The following RAI14 variants were observed in gnomAD, a reference collection of about 807,000 sequenced individuals.
RAI14 encodes the protein retinoic acid induced 14.
RAI14 carries 45 observed loss-of-function variants against 115.4 expected under a neutral mutation model. The ratio of observed to expected loss-of-function variants is 0.39; its 90% CI spans 0.31 to 0.50. The LOEUF (loss-of-function observed/expected upper bound fraction) is 0.50, where lower values mean the gene tolerates loss of function less well. Among genes scored for constraint, RAI14 ranks in the 20% least tolerant of loss-of-function variants. RAI14 has a pLI of 0.85. For synonymous variants in RAI14, 371 were observed against 415.4 expected (o/e 0.89, Z 1.30); for missense variants, 939 against 1,131.2 (o/e 0.83, Z 2.44).
intron 3 of RAI14, among the ~76,000 whole-genome samples, chr5:34,777,208 A>G (rs1401310986): frequency 6.6e-6 from 1 of 152,194 alleles, no homozygotes; most frequent in East Asian, 1.9e-4. Flanking sequence ...GTATATCAAA[A>G]GGATATCTGC....
intron 2 of RAI14, among the ~76,000 whole-genome samples, chr5:34,697,473 C>T (rs1739411798): frequency 6.7e-6 from 1 of 150,300 alleles, no homozygotes; most frequent in Admixed American, 6.6e-5. Flanking sequence ...GAAATGGAAA[C>T]TGCTCTTGAA....
chr5:34,741,869 T>A (rs1434475491), intron 2 of RAI14, among the ~76,000 whole-genome samples: 1 of 152,108 alleles, frequency 6.6e-6, no homozygotes, highest in Admixed American at 6.6e-5. Context: ...ACAATTGAAA[T>A]GTCCTAAACA....
At chr5:34,746,141 T>A (rs1212645680) in intron 2 of RAI14, among the ~76,000 whole-genome samples, 1 of 131,512 alleles carries the variant, frequency 7.6e-6, no homozygotes, top group Non-Finnish European at 1.6e-5. Flanking sequence ...AATCTCGCTC[T>A]GTCGCCCAGG....
intron 3 of RAI14, among the ~76,000 whole-genome samples, chr5:34,777,873 G>A (rs931192963): frequency 2.5e-5 from 3 of 118,256 alleles, no homozygotes; most frequent in African/African-American, 8.4e-5. Flanking sequence ...GGTGTGTGTG[G>A]GGGGGGTGTG....
At chr5:34,737,065 T>C (rs1313854036) in intron 2 of RAI14, among the ~76,000 whole-genome samples, 1 of 152,144 alleles carries the variant, frequency 6.6e-6, no homozygotes, top group Non-Finnish European at 1.5e-5. Context: ...CTAGGTTGAG[T>C]ACTCCTTATC....
chr5:34,757,961 A>T (rs1435062450), intron 3 of RAI14: 1 of 163,466 alleles, frequency 6.1e-6, no homozygotes, highest in Admixed American at 5.9e-5. Context: ...TTGTTTATTT[A>T]TTTGATCTTC....
In RAI14 at chr5:34,823,702, A is replaced by G. The variant is rs1316452093; in HGVS notation, c.1860A>G (p.Thr620=). The change falls in exon 15 of 18, where the codon ACA becomes ACG. Residue 620 remains threonine, a synonymous_variant. Coordinates refer to ENST00000265109, the MANE Select transcript of RAI14 (RefSeq NM_015577.3). This position sits in a 1 kb window ranked among gnomAD's most constrained non-coding sequence, Gnocchi z 4.5. ...KLKDTLKSQM[T]QEASDEAEDM... is the part of the protein sequence containing the mutation. ...AAGACACACTAAAAAGTCAGATGACACAGGAAGCCAGTGATGAAGCTGAGG... is the reference window on the plus strand; with the variant it reads ...AAGACACACTAAAAAGTCAGATGACGCAGGAAGCCAGTGATGAAGCTGAGG... The G allele has an allele frequency of 6.2e-7, 1 of 1,614,224 alleles. No individual in the cohort carries two copies. The highest frequency in any genetic ancestry group is 2.2e-5 in the East Asian group (1 of 44,890).
At chr5:34,711,766 G>A (rs1185347409) in intron 2 of RAI14, among the ~76,000 whole-genome samples, 1 of 152,218 alleles carries the variant, frequency 6.6e-6, no homozygotes, top group Non-Finnish European at 1.5e-5. Flanking sequence ...GCCTCCAGAA[G>A]TGTCAGAAAT....
rs1580393131 is a variant in RAI14 at position 34,830,805 on chromosome 5, C to T, written c.*40C>T. ...CAGGACACTGCCCCTTGTCATCTGT[C>T]TTTGTGTTAGATCCAGAGTTGTCGG... On this transcript the variant is annotated 3_prime_UTR_variant, in exon 18 of 18. Coordinates refer to ENST00000265109, the MANE Select transcript of RAI14 (RefSeq NM_015577.3). 1.9e-6 allele frequency: 3 copies of T among 1,612,472 alleles called. No individual in the cohort carries two copies. The East Asian group carries it at 6.7e-5, about 36-fold the overall frequency.
intron 2 of RAI14, among the ~76,000 whole-genome samples, chr5:34,692,711 A>G (rs1738786872): frequency 6.6e-6 from 1 of 152,024 alleles, no homozygotes; most frequent in Non-Finnish European, 1.5e-5. Flanking sequence ...AATTTGGTCA[A>G]ATTTGTGCCG....
Position 34,830,831 on chromosome 5 carries a change from C to T in RAI14, c.*66C>T. On this transcript the variant is annotated 3_prime_UTR_variant, in exon 18 of 18. Transcript: ENST00000265109. ...TTTGTGTTAGATCCAGAGTTGTCGG[C>T]AGCCGCTGCCATTGTTCTCATTCGT... 1.9e-6 allele frequency: 3 copies of T among 1,601,608 alleles called. No individual in the cohort carries two copies. In the East Asian group the frequency reaches 6.8e-5, roughly 36 times the overall value.
rs55808226 is a variant in RAI14, at chr5:34,761,514, G to A, written c.167+3916G>A. The stretch of plus-strand genomic sequence containing the variant: ...TAGAGAGCTTTCGTGGTAATTTTGC[G>A]CTGGAATCTACAGTTGCCTGTCTGT... On this transcript the variant is annotated intron_variant, in intron 3 of 17. Transcript: ENST00000265109. Among the ~76,000 whole-genome samples the A allele has an allele frequency of 7.9e-3, 1,207 of 152,238 alleles. 10 individuals are homozygous for A. The highest frequency in any genetic ancestry group is 0.027 in the East Asian group (140 of 5,174).
At position 34,720,621 on chromosome 5, in the gene RAI14, A is replaced by C. The variant is rs938535263; in HGVS notation, c.36+33666A>C. Among the ~76,000 whole-genome samples, 5 of 152,046 alleles carry C rather than the reference A, an allele frequency of 3.3e-5. No individual in the cohort carries two copies. The East Asian group carries it at 5.8e-4, about 18-fold the overall frequency. ...GAGATGGGGTTTCACCGTGTTAGCC[A>C]GGGTGGTCTCGATCTCCTGACTTTG... On this transcript the variant is annotated intron_variant, in intron 2 of 17. Transcript: ENST00000265109.
chr5:34,809,848 G>A (rs1239275077), intron 7 of RAI14, among the ~76,000 whole-genome samples: 1 of 151,962 alleles, frequency 6.6e-6, no homozygotes, highest in African/African-American at 2.4e-5. Context: ...TCCCAACTTT[G>A]AAGACCATTA....
At chr5:34,700,173 A>G (rs1579953882) in intron 2 of RAI14, among the ~76,000 whole-genome samples, 1 of 152,296 alleles carries the variant, frequency 6.6e-6, no homozygotes, top group Middle Eastern at 3.4e-3. Context: ...GATTTAGCCT[A>G]GGTTGGCTGT....
chr5:34,810,913 T>A, intron 7 of RAI14, 99 bp from the exon 8 acceptor site: 2 of 1,568,414 alleles, frequency 1.3e-6, no homozygotes, highest in Non-Finnish European at 1.7e-6. Flanking sequence ...CAGTCAGCAG[T>A]CCAAGTCAGG....
At chr5:34,719,775 G>T (rs1268124529) in intron 2 of RAI14, among the ~76,000 whole-genome samples, 1 of 152,120 alleles carries the variant, frequency 6.6e-6, no homozygotes, top group Non-Finnish European at 1.5e-5. Flanking sequence ...TGAACTCTGC[G>T]CTATATGCTA....
At chr5:34,711,785 A>G (rs1467246414) in intron 2 of RAI14, among the ~76,000 whole-genome samples, 2 of 152,204 alleles carry the variant, frequency 1.3e-5, no homozygotes, top group African/African-American at 4.8e-5. Flanking sequence ...ATAAATGTCT[A>G]TTGTTTAAGC....
At chr5:34,687,788 G>C (rs1561238609) in intron 2 of RAI14, 7 of 1,511,756 alleles carry the variant, frequency 4.6e-6, no homozygotes, top group Non-Finnish European at 5.4e-6. Context: ...AGATGAACCT[G>C]GATTTTATTG....
Sources: gnomAD v4.1 joint callset for allele counts (sites outside exome capture counted in the v4.1 genomes callset) on GRCh38, gnomAD v4.1.1 for gene constraint, Gnocchi (gnomAD v3.1) non-coding constraint, MANE v1.5 for transcripts, NCBI Gene and HGNC (gene_info 2026-07-23, HGNC 2026-07-21) for gene names.